Variants in ROBO2 observed in about 807,000 individuals in gnomAD.
The protein encoded by ROBO2 is roundabout homolog 2.
Under a neutral mutation model 160.8 loss-of-function variants are expected in ROBO2, and 53 were observed. The ratio of observed to expected loss-of-function variants is 0.33; its 90% confidence interval spans 0.26 to 0.41. The LOEUF is 0.41. Ranked by LOEUF, ROBO2 falls within the 10% of genes least tolerant of loss-of-function variation. ROBO2 has a pLI of 1.00. For synonymous variants in ROBO2, 664 were observed against 611.7 expected (o/e 1.09, Z -1.26); for missense variants, 1,577 against 1,722.4 (o/e 0.92, Z 1.49).
At chr3:76,505,152 T>A (rs1488943651) in intron 2 of ROBO2, among the ~76,000 whole-genome samples, 1 of 152,084 alleles carries the variant, frequency 6.6e-6, no homozygotes, top group Non-Finnish European at 1.5e-5. Flanking sequence ...TAATTAAGGA[T>A]CCTTTCCTGG....
At chr3:76,206,250 C>T in intron 2 of ROBO2, among the ~76,000 whole-genome samples, 1 of 139,148 alleles carries the variant, frequency 7.2e-6, no homozygotes, top group African/African-American at 2.6e-5. Context: ...ACATTACTGT[C>T]TGAGAGCTGT....
chr3:77,074,920 G>C (rs1460947869), intron 1 of ROBO2, among the ~76,000 whole-genome samples: 1 of 152,160 alleles, frequency 6.6e-6, no homozygotes, highest in Admixed American at 6.5e-5. Flanking sequence ...GTCTTGAAAA[G>C]AAAGACCTAA....
At chr3:76,857,962 G>A (rs185401254) in intron 2 of ROBO2, among the ~76,000 whole-genome samples, 8 of 152,240 alleles carry the variant, frequency 5.3e-5, no homozygotes, top group Non-Finnish European at 1.2e-4. Context: ...TTCCTAAAAT[G>A]TCTTTATTCC....
chr3:76,950,789 CA>C (rs1559752879), intron 2 of ROBO2, among the ~76,000 whole-genome samples: 1 of 152,140 alleles, frequency 6.6e-6, no homozygotes, highest in Non-Finnish European at 1.5e-5. Context: ...TGCAGTTGTG[CA>C]ACCACAGCTC....
In ROBO2 at chr3:76,651,770, A is replaced by G. The variant is rs540807261; in HGVS notation, c.110-446244A>G. Among the ~76,000 whole-genome samples the G allele has an allele frequency of 1.2e-3, 176 of 152,304 alleles. 1 individual carries two copies. The South Asian group carries it at 0.022, about 19-fold the overall frequency. ...TAACTACTTTGCTATTCACATATGCAAGGACTTGCCTTTCTTTCTGTGTGG... is the reference window on the plus strand; with the variant it reads ...TAACTACTTTGCTATTCACATATGCGAGGACTTGCCTTTCTTTCTGTGTGG... On this transcript the variant is annotated intron_variant, in intron 2 of 26. Coordinates refer to the ROBO2 transcript ENST00000487694.
intron 2 of ROBO2, among the ~76,000 whole-genome samples, chr3:77,240,383 G>T (rs2151363580): frequency 1.3e-5 from 2 of 152,254 alleles, no homozygotes; most frequent in East Asian, 3.9e-4. Flanking sequence ...CGCTCCGAGT[G>T]GGCCCGCCGA....
intron 2 of ROBO2, among the ~76,000 whole-genome samples, chr3:77,166,371 T>G (rs2079075616): frequency 6.6e-6 from 1 of 152,222 alleles, no homozygotes; most frequent in Admixed American, 6.5e-5. Flanking sequence ...TTTATAAAAA[T>G]TCCATAACCA....
intron 2 of ROBO2, among the ~76,000 whole-genome samples, chr3:76,589,148 C>T (rs2086247857): frequency 6.6e-6 from 1 of 152,074 alleles, no homozygotes; most frequent in South Asian, 2.1e-4. Flanking sequence ...AGATGATGAA[C>T]ATGTTAAATA....
intron 2 of ROBO2, among the ~76,000 whole-genome samples, chr3:76,160,347 C>G (rs1236309445): frequency 6.6e-6 from 1 of 152,134 alleles, no homozygotes; most frequent in Non-Finnish European, 1.5e-5. Flanking sequence ...AGTTTTGGCA[C>G]CCATTGAGTG....
At chr3:76,962,638 C>CAAAAAAAAAAAAAAAAAAAAAAAA (rs1318082985) in intron 2 of ROBO2, among the ~76,000 whole-genome samples, 1 of 50,288 alleles carries the variant, frequency 2.0e-5, no homozygotes, top group African/African-American at 1.1e-4. Context: ...AACTCGATCT[C>CAAAAAAAAAAAAAAAAAAAAAAAA]AGAAAAAAAA....
At chr3:77,088,236 T>A (rs1284073334) in intron 1 of ROBO2, among the ~76,000 whole-genome samples, 1 of 152,206 alleles carries the variant, frequency 6.6e-6, no homozygotes, top group East Asian at 1.9e-4. Flanking sequence ...GAGATACAAT[T>A]GTGAAATTCA....
chr3:76,135,761 T>A (rs2071405214), intron 2 of ROBO2, among the ~76,000 whole-genome samples: 1 of 152,152 alleles, frequency 6.6e-6, no homozygotes, highest in Non-Finnish European at 1.5e-5. Flanking sequence ...TCAGAGCAAC[T>A]ATGCGCAATT....
At chr3:77,243,450 C>G (rs982036214) in intron 2 of ROBO2, among the ~76,000 whole-genome samples, 1 of 152,082 alleles carries the variant, frequency 6.6e-6, no homozygotes, top group Non-Finnish European at 1.5e-5. Flanking sequence ...GAGTCCTTAC[C>G]AGGAGATTTC....
chr3:77,626,558 C>T (rs1453870523), intron 23 of ROBO2, among the ~76,000 whole-genome samples: 3 of 152,098 alleles, frequency 2.0e-5, no homozygotes, highest in Non-Finnish European at 4.4e-5. Context: ...AATGCCAAAC[C>T]GTTGGGTAAC....
chr3:76,903,706 A>T (rs1014705843), intron 2 of ROBO2, among the ~76,000 whole-genome samples: 1 of 152,150 alleles, frequency 6.6e-6, no homozygotes, highest in Admixed American at 6.6e-5. Context: ...GAACCAGGGA[A>T]ATCAAATCAT....
chr3:76,146,007 G>A (rs997652037), intron 2 of ROBO2, among the ~76,000 whole-genome samples: 1 of 151,754 alleles, frequency 6.6e-6, no homozygotes, highest in African/African-American at 2.4e-5. Context: ...TTTCTTTCCC[G>A]CTGTTCATCA....
At chr3:77,420,598 A>G (rs1307060031) in intron 2 of ROBO2, among the ~76,000 whole-genome samples, 1 of 152,118 alleles carries the variant, frequency 6.6e-6, no homozygotes, top group Non-Finnish European at 1.5e-5. Flanking sequence ...CCAAACAGAC[A>G]GGATTGAAGG....
chr3:77,228,490 G>T (rs116727775), intron 2 of ROBO2, among the ~76,000 whole-genome samples: 4,172 of 150,566 alleles, frequency 0.028, 66 homozygotes, highest in Middle Eastern at 0.054. Context: ...GTGGTTGTTT[G>T]TTTTTTTCTT....
chr3:76,049,399 A>ATTTTTTTTTTTTTTTT (rs1204742605), intron 2 of ROBO2, among the ~76,000 whole-genome samples: 1 of 50,364 alleles, frequency 2.0e-5, no homozygotes, highest in Admixed American at 2.1e-4. Flanking sequence ...ATATATATAT[A>ATTTTTTTTTTTTTTTT]TATATTTTTT....
Sources: allele counts gnomAD v4.1 joint callset (sites outside exome capture counted in the v4.1 genomes callset), GRCh38; gene constraint gnomAD v4.1.1; transcripts MANE v1.5; gene names NCBI Gene and HGNC (gene_info 2026-07-23, HGNC 2026-07-21).